EPHB2: variants seen among roughly 807,000 people sequenced by gnomAD.
EPHB2 encodes EPH receptor B2.
Under a neutral mutation model 96.4 loss-of-function variants are expected in EPHB2, and 18 were observed. The ratio of observed to expected loss-of-function variants is 0.19; its 90% confidence interval spans 0.13 to 0.28. The LOEUF (loss-of-function observed/expected upper bound fraction) is 0.28, where lower values mean the gene tolerates loss of function less well. Among genes scored for constraint, EPHB2 ranks in the 10% least tolerant of loss-of-function variants. The pLI, the probability that EPHB2 is intolerant of heterozygous loss-of-function variation, is 1.00. For synonymous variants in EPHB2, 506 were observed against 534.1 expected (o/e 0.95, Z 0.72); for missense variants, 989 against 1,355.4 (o/e 0.73, Z 4.25).
chr1:22,803,137 G>A (rs888116127), intron 3 of EPHB2, among the ~76,000 whole-genome samples: 1 of 152,150 alleles, frequency 6.6e-6, no homozygotes, highest in Non-Finnish European at 1.5e-5. Flanking sequence ...GAGAGGCAGG[G>A]TAGTTGTGGG....
intron 3 of EPHB2, among the ~76,000 whole-genome samples, chr1:22,816,384 A>C (rs180810439): frequency 1.3e-5 from 2 of 152,094 alleles, no homozygotes; most frequent in Non-Finnish European, 2.9e-5. Context: ...GCTGGTCACA[A>C]TCCCAGTCCT....
chr1:22,839,620 A>G (rs1354730452), intron 3 of EPHB2, among the ~76,000 whole-genome samples: 1 of 152,164 alleles, frequency 6.6e-6, no homozygotes, highest in East Asian at 1.9e-4. Context: ...TTCCCAAAGG[A>G]AAGGACATTG....
intron 3 of EPHB2, among the ~76,000 whole-genome samples, chr1:22,842,842 T>G (rs1463205265): frequency 6.6e-6 from 1 of 150,878 alleles, no homozygotes; most frequent in East Asian, 1.9e-4. Context: ...CCCCTCTAAC[T>G]CCCCCTAACT....
intron 1 of EPHB2, among the ~76,000 whole-genome samples, chr1:22,735,499 T>C (rs10753541): frequency 0.4 from 59,850 of 151,252 alleles, 12,308 homozygotes; most frequent in East Asian, 0.66. Context: ...TAAGGAAGTT[T>C]ACAGTCCATA....
intron 1 of EPHB2, among the ~76,000 whole-genome samples, chr1:22,725,500 TC>T (rs971037391): frequency 1.9e-4 from 29 of 151,828 alleles, no homozygotes; most frequent in African/African-American, 6.8e-4. Context: ...AGTGCATTTC[TC>T]CCCCCGAGAC....
chr1:22,772,794 CT>C (rs914591679), intron 1 of EPHB2, among the ~76,000 whole-genome samples: 2 of 152,170 alleles, frequency 1.3e-5, no homozygotes, highest in African/African-American at 4.8e-5. Flanking sequence ...AAGGTATGGG[CT>C]TTACAGGGCG....
At chr1:22,737,933 A>G (rs1178094322) in intron 1 of EPHB2, among the ~76,000 whole-genome samples, 1 of 152,196 alleles carries the variant, frequency 6.6e-6, no homozygotes, top group Admixed American at 6.5e-5. Context: ...ATGCCTCTGA[A>G]ACTAGGTAGA....
chr1:22,831,925 C>G (rs559996077), intron 3 of EPHB2, among the ~76,000 whole-genome samples: 1 of 152,284 alleles, frequency 6.6e-6, no homozygotes, highest in South Asian at 2.1e-4. Context: ...TTCCATTAAC[C>G]TGATTCTCTG....
intron 9 of EPHB2, among the ~76,000 whole-genome samples, chr1:22,897,986 C>G (rs766670139): frequency 2.0e-5 from 3 of 151,246 alleles, no homozygotes; most frequent in Non-Finnish European, 2.9e-5. Context: ...GTCTGTAGTT[C>G]CAGCTACTTG....
chr1:22,837,351 G>A (rs955239289), intron 3 of EPHB2, among the ~76,000 whole-genome samples: 1 of 152,134 alleles, frequency 6.6e-6, no homozygotes, highest in Non-Finnish European at 1.5e-5. Context: ...ATAGATGCCT[G>A]CTTTCCTTGT....
At chr1:22,894,765 G>A (rs917071674) in intron 7 of EPHB2, among the ~76,000 whole-genome samples, 48 of 152,218 alleles carry the variant, frequency 3.2e-4, no homozygotes, top group African/African-American at 1.1e-3. Flanking sequence ...ATGCCTGGCT[G>A]GGGTGCTACT....
Position 22,860,248 on chromosome 1 carries a change from A to G in EPHB2, c.812-2789A>G, listed in dbSNP as rs2148520135. ...GTGAGAGGCTGAGGAGTGGGTGGAA[A>G]GAGCTTTCTAGATGCTGGCAGCGGG... On this transcript the variant is annotated intron_variant, in intron 3 of 15. Transcript: ENST00000374630. The surrounding 1 kb of genome is among the most constrained non-coding windows in gnomAD (Gnocchi z 4.6). Among the ~76,000 whole-genome samples the G allele has an allele frequency of 2.6e-5, 4 of 152,242 alleles. No homozygotes were observed. In the Middle Eastern group the frequency reaches 0.01, roughly 388 times the overall value.
chr1:22,860,946 C>T lies in EPHB2; in HGVS notation c.812-2091C>T, dbSNP rs1389664682. On this transcript the variant is annotated intron_variant, in intron 3 of 15. Coordinates refer to ENST00000374630, the MANE Select transcript of EPHB2 (RefSeq NM_017449.5). The surrounding 1 kb of genome is among the most constrained non-coding windows in gnomAD (Gnocchi z 4.6). ...GAAGGCGAGAGGGAGGGCAGGACGA[C>T]TCAGGGGACCCAGACCCAGTGCAGT... Among the ~76,000 whole-genome samples, 1 of 152,130 alleles carries T rather than the reference C, an allele frequency of 6.6e-6. No homozygotes were observed. Among genetic ancestry groups the T allele is most frequent in the Non-Finnish European group, 1.5e-5 (1 of 68,030 alleles).
At chr1:22,832,339 C>T (rs1370230872) in intron 3 of EPHB2, among the ~76,000 whole-genome samples, 1 of 152,170 alleles carries the variant, frequency 6.6e-6, no homozygotes, top group African/African-American at 2.4e-5. Context: ...AATACCGGGC[C>T]TCAAGAAATG....
intron 1 of EPHB2, among the ~76,000 whole-genome samples, chr1:22,739,142 C>T (rs1643874096): frequency 6.6e-6 from 1 of 152,192 alleles, no homozygotes; most frequent in South Asian, 2.1e-4. Context: ...TGGGCTTAAG[C>T]AATCCTCCTA....
At chr1:22,751,693 C>T (rs879026156) in intron 1 of EPHB2, among the ~76,000 whole-genome samples, 1 of 152,200 alleles carries the variant, frequency 6.6e-6, no homozygotes, top group South Asian at 2.1e-4. Context: ...CCCCTGCAAG[C>T]TGTGCCATCC....
chr1:22,814,831 A>G (rs963491410), intron 3 of EPHB2, among the ~76,000 whole-genome samples: 2 of 152,204 alleles, frequency 1.3e-5, no homozygotes, highest in Non-Finnish European at 1.5e-5. Flanking sequence ...TTTACAAGGC[A>G]TGGGGCTGGC....
intron 3 of EPHB2, among the ~76,000 whole-genome samples, chr1:22,808,545 G>C (rs1354437054): frequency 1.3e-5 from 2 of 152,218 alleles, no homozygotes; most frequent in African/African-American, 4.8e-5. Context: ...AAACTGACGT[G>C]TCACCGCAGA....
intron 3 of EPHB2, among the ~76,000 whole-genome samples, chr1:22,786,583 A>G (rs1022152877): frequency 7.2e-5 from 11 of 152,208 alleles, no homozygotes; most frequent in Admixed American, 5.2e-4. Flanking sequence ...GAGACAAGCA[A>G]GGCAGCTTTT....
Sources: allele counts gnomAD v4.1 joint callset (sites outside exome capture counted in the v4.1 genomes callset), GRCh38; gene constraint gnomAD v4.1.1; non-coding constraint Gnocchi (gnomAD v3.1); transcripts MANE v1.5; gene names NCBI Gene and HGNC (gene_info 2026-07-23, HGNC 2026-07-21).